AAMDC: variants seen among roughly 807,000 people sequenced by gnomAD.
AAMDC encodes adipogenesis associated Mth938 domain containing, also known as mth938 domain-containing protein.
In AAMDC, 16 loss-of-function variants were observed where a neutral mutation model predicts 15.5. That is an observed-to-expected ratio of 1.03 (90% CI 0.70 to 1.57). The LOEUF is 1.57. AAMDC is among the 40% of genes most tolerant of loss of function. AAMDC has a pLI of 0.00. For missense variants in AAMDC, 141 were observed against 144.9 expected (o/e 0.97, Z 0.14); for synonymous variants, 51 against 51.6 (o/e 0.99, Z 0.05).
chr11:77,863,463 G>T (rs967521961), intron 2 of AAMDC, among the ~76,000 whole-genome samples: 1 of 152,140 alleles, frequency 6.6e-6, no homozygotes, highest in Non-Finnish European at 1.5e-5. Context: ...AAAGGGAGGG[G>T]ACCCAAAGAA....
chr11:77,825,606 A>G (rs1949133024), intron 1 of AAMDC, among the ~76,000 whole-genome samples: 1 of 152,108 alleles, frequency 6.6e-6, no homozygotes, highest in African/African-American at 2.4e-5. Context: ...CATTTTCTGG[A>G]TATTTGTCTT....
At chr11:77,860,117 T>A (rs1950812539) in intron 2 of AAMDC, among the ~76,000 whole-genome samples, 1 of 152,258 alleles carries the variant, frequency 6.6e-6, no homozygotes, top group African/African-American at 2.4e-5. Context: ...CTCCTAGAGC[T>A]ATCCCTGTTT....
chr11:77,903,101 C>T (rs1416688624), downstream of AAMDC, among the ~76,000 whole-genome samples: 1 of 152,148 alleles, frequency 6.6e-6, no homozygotes, highest in East Asian at 1.9e-4. Flanking sequence ...GAGAAAAAAT[C>T]CAGGGAATTT....
chr11:77,843,027 T>A (rs913367801), intron 2 of AAMDC, among the ~76,000 whole-genome samples: 1 of 152,198 alleles, frequency 6.6e-6, no homozygotes, highest in African/African-American at 2.4e-5. Context: ...CATTCAGATA[T>A]CTTAGGTGTG....
chr11:77,848,642 G>A (rs1360829253), intron 2 of AAMDC, among the ~76,000 whole-genome samples: 1 of 152,162 alleles, frequency 6.6e-6, no homozygotes, highest in Non-Finnish European at 1.5e-5. Context: ...TTACAAGTGT[G>A]AGCCACCGTG....
At chr11:77,882,456 T>C (rs1181014725) in intron 5 of AAMDC, among the ~76,000 whole-genome samples, 1 of 152,190 alleles carries the variant, frequency 6.6e-6, no homozygotes, top group Non-Finnish European at 1.5e-5. Context: ...TAATTTGCTT[T>C]CCTGAGCCTT....
intron 2 of AAMDC, among the ~76,000 whole-genome samples, chr11:77,861,456 C>T (rs1950873040): frequency 6.6e-6 from 1 of 152,124 alleles, no homozygotes; most frequent in South Asian, 2.1e-4. Flanking sequence ...AACCTCCTGG[C>T]CCTCAATGGT....
chr11:77,891,487 G>T, intron 5 of AAMDC: 2 of 1,612,734 alleles, frequency 1.2e-6, no homozygotes, highest in East Asian at 4.5e-5. Flanking sequence ...AAAATCCTAT[G>T]ATTTTAAAGC....
rs566367155 is a variant in AAMDC at position 77,839,074 on chromosome 11, G to A, written c.-18-3405G>A. Reference sequence around the variant, plus strand: ...TTATTTCCCTTATACTACTTTCTTTGAAGTCTTTGCTAAATGTCAGACTTC... The same window carrying A: ...TTATTTCCCTTATACTACTTTCTTTAAAGTCTTTGCTAAATGTCAGACTTC... On this transcript the variant is annotated intron_variant, in intron 1 of 3. Transcript: ENST00000393427. 6.6e-5 allele frequency among the ~76,000 whole-genome samples: 10 copies of A among 151,948 alleles called. No homozygotes were observed. In the East Asian group the frequency reaches 1.7e-3, roughly 26 times the overall value.
chr11:77,878,941 T>G, intron 5 of AAMDC: 1 of 1,611,954 alleles, frequency 6.2e-7, no homozygotes, highest in Non-Finnish European at 8.5e-7. Context: ...GGGAAGACTG[T>G]TTTTGCCTTA....
intron 2 of AAMDC, chr11:77,851,380 A>G (rs1214913306): frequency 6.6e-6 from 1 of 152,182 alleles, no homozygotes; most frequent in Non-Finnish European, 1.5e-5. Context: ...TCTGCTCAAG[A>G]CAGTTCTTCT....
chr11:77,882,175 C>T (rs4944178), intron 5 of AAMDC, among the ~76,000 whole-genome samples: 19,695 of 152,110 alleles, frequency 0.13, 1,453 homozygotes, highest in Admixed American at 0.2. Flanking sequence ...CTCAGCCTCC[C>T]GAAGATTACA....
chr11:77,849,808 C>T (rs1477634882), intron 2 of AAMDC, among the ~76,000 whole-genome samples: 1 of 152,188 alleles, frequency 6.6e-6, no homozygotes, highest in Non-Finnish European at 1.5e-5. Context: ...CCTTCTGTAT[C>T]TGATGAAATC....
chr11:77,904,374 T>C (rs749877806), downstream of AAMDC, among the ~76,000 whole-genome samples: 1 of 152,252 alleles, frequency 6.6e-6, no homozygotes, highest in African/African-American at 2.4e-5. Flanking sequence ...TGTAAGTTAA[T>C]TTTAAGATAC....
downstream of AAMDC, among the ~76,000 whole-genome samples, chr11:77,875,279 C>T (rs1326982136): frequency 6.6e-6 from 1 of 152,222 alleles, no homozygotes; most frequent in African/African-American, 2.4e-5. Flanking sequence ...GACATTCTTA[C>T]AGTCCAGGTA....
intron 2 of AAMDC, among the ~76,000 whole-genome samples, chr11:77,854,694 G>A (rs912939249): frequency 5.3e-5 from 8 of 152,140 alleles, no homozygotes; most frequent in African/African-American, 1.4e-4. Context: ...GAGTGCCTGC[G>A]GGTTTTCCAG....
chr11:77,821,619 A>G (rs772417337), intron 1 of AAMDC, among the ~76,000 whole-genome samples: 5 of 152,036 alleles, frequency 3.3e-5, no homozygotes, highest in Non-Finnish European at 5.9e-5. Context: ...GGCTCTGTTC[A>G]GGGACCAGAA....
intron 5 of AAMDC, among the ~76,000 whole-genome samples, chr11:77,879,500 C>G (rs1418612734): frequency 2.0e-5 from 3 of 152,204 alleles, no homozygotes; most frequent in Non-Finnish European, 2.9e-5. Context: ...CAGTTGGGCT[C>G]TTCCTGCGCA....
downstream of AAMDC, chr11:77,901,699 T>C (rs1952783247): frequency 1.6e-6 from 1 of 611,542 alleles, no homozygotes; most frequent in Non-Finnish European, 2.9e-6. Flanking sequence ...GAAATTAGTA[T>C]AGTATGCCTT....
Sources: gnomAD v4.1 joint callset for allele counts (sites outside exome capture counted in the v4.1 genomes callset) on GRCh38, gnomAD v4.1.1 for gene constraint, MANE v1.5 for transcripts, NCBI Gene and HGNC (gene_info 2026-07-23, HGNC 2026-07-21) for gene names.